Variants in SKI observed in about 807,000 individuals in gnomAD.
The protein encoded by SKI is ski oncogene.
Under a neutral mutation model 59.3 loss-of-function variants are expected in SKI, and 23 were observed. The observed-to-expected ratio is 0.39, with a 90% CI of 0.28 to 0.55. The LOEUF (loss-of-function observed/expected upper bound fraction) is 0.55. Ranked by LOEUF, SKI falls within the 20% of genes least tolerant of loss-of-function variation. The pLI is 0.67. For synonymous variants in SKI, 673 were observed against 488.6 expected, an observed-to-expected ratio of 1.38 and a Z score of -4.98; for missense variants, 1,017 against 1,038.9, an observed-to-expected ratio of 0.98 and a Z score of 0.29.
intron 1 of SKI, among the ~76,000 whole-genome samples, chr1:2,250,938 C>T (rs1231915690): frequency 6.6e-6 from 1 of 152,228 alleles, no homozygotes; most frequent in Non-Finnish European, 1.5e-5. Context: ...AGCAAGCGGC[C>T]CCCATGCTTT....
rs1460758152 is a variant in SKI at position 2,228,984 on chromosome 1, T to C, written c.218T>C (p.Val73Ala). Residue 73 changes from valine to alanine, a missense_variant, in exon 1 of 7, where the codon GTG becomes GCG. Coordinates refer to ENST00000378536, the MANE Select transcript of SKI (RefSeq NM_003036.4). ...CCCGCAGCCACCGAGCCGCCGCCCG[T>C]GCTGCACCTGCCCGCCATCCAGCCG... ...PVPAATEPPP[V>A]LHLPAIQPPP... 6.5e-7 allele frequency: 1 copy of C among 1,537,890 alleles called. No individual in the cohort carries two copies. The highest frequency in any genetic ancestry group is 8.7e-7 in the Non-Finnish European group (1 of 1,147,526).
At chr1:2,257,653 C>T (rs891890124) in intron 1 of SKI, among the ~76,000 whole-genome samples, 3 of 152,338 alleles carry the variant, frequency 2.0e-5, no homozygotes, top group Admixed American at 6.5e-5. Flanking sequence ...GGATTTCTTT[C>T]CTCATGCTTT....
intron 1 of SKI, among the ~76,000 whole-genome samples, chr1:2,285,287 T>G (rs1283440548): frequency 6.6e-6 from 1 of 152,084 alleles, no homozygotes; most frequent in Non-Finnish European, 1.5e-5. Flanking sequence ...CCGAGGCGGC[T>G]GGATCACCTG....
intron 1 of SKI, chr1:2,240,679 C>G (rs1638851516): frequency 2.0e-6 from 2 of 985,358 alleles, no homozygotes; most frequent in Non-Finnish European, 2.4e-6. Context: ...GAAGCTCTCT[C>G]TACTTGTTCG....
At chr1:2,272,868 C>G (rs1250190542) in intron 1 of SKI, among the ~76,000 whole-genome samples, 2 of 152,188 alleles carry the variant, frequency 1.3e-5, no homozygotes, top group African/African-American at 4.8e-5. Flanking sequence ...CCCTCCCACG[C>G]CCCTCCTGCC....
intron 1 of SKI, among the ~76,000 whole-genome samples, chr1:2,280,670 G>A (rs1639859964): frequency 9.5e-6 from 1 of 105,576 alleles, no homozygotes; most frequent in Non-Finnish European, 1.9e-5. Context: ...AAGACAGGCG[G>A]CGGCGGCGAT....
At chr1:2,278,162 C>T (rs1639787054) in intron 1 of SKI, among the ~76,000 whole-genome samples, 1 of 152,236 alleles carries the variant, frequency 6.6e-6, no homozygotes, top group Non-Finnish European at 1.5e-5. Context: ...CACTTGCTCC[C>T]AGCCTTGGGT....
intron 1 of SKI, among the ~76,000 whole-genome samples, chr1:2,272,141 T>C (rs1344359598): frequency 6.6e-6 from 1 of 152,218 alleles, no homozygotes; most frequent in Non-Finnish European, 1.5e-5. Context: ...TTTTTATTGC[T>C]GTCTCTTACG....
intron 1 of SKI, among the ~76,000 whole-genome samples, chr1:2,302,096 C>G (rs962557527): frequency 9.2e-5 from 14 of 152,248 alleles, no homozygotes; most frequent in African/African-American, 3.4e-4. Flanking sequence ...GATGTACCGG[C>G]TCAGGCCCCC....
chr1:2,253,515 C>T (rs531011648), intron 1 of SKI, among the ~76,000 whole-genome samples: 3 of 152,346 alleles, frequency 2.0e-5, no homozygotes, highest in Admixed American at 6.5e-5. Context: ...GAACAGGACA[C>T]GCAGCCTTAT....
intron 1 of SKI, among the ~76,000 whole-genome samples, chr1:2,283,920 G>GGCGTCCCCTTCC (rs1553197830): frequency 2.0e-5 from 3 of 152,170 alleles, no homozygotes; most frequent in Non-Finnish European, 4.4e-5. Flanking sequence ...GGGCCACTGT[G>GGCGTCCCCTTCC]GCGTCCCCTT....
intron 4 of SKI, 76 bp downstream of exon 4, chr1:2,304,178 G>A (rs920159523): frequency 8.2e-6 from 13 of 1,587,250 alleles, no homozygotes; most frequent in East Asian, 2.3e-5. Flanking sequence ...GCTGGTCGCC[G>A]GGGGTGCGTT....
Position 2,308,118 on chromosome 1 carries a change from A to G in SKI, c.*1353A>G, listed in dbSNP as rs1377493689. The G allele has an allele frequency of 6.6e-6, 1 of 152,266 alleles. No individual in the cohort carries two copies. The allele number at this position is 152,266 out of a possible 1,614,324, so 9.4% of individuals were successfully genotyped here. ...TTGAAAAATGATTTCCCAGTAGACA[A>G]GAGGCGGCTACCTATCCTACAGTTA... On this transcript the variant is annotated 3_prime_UTR_variant, in exon 7 of 7. Transcript: ENST00000378536.
chr1:2,279,109 G>A (rs1315270905), intron 1 of SKI, among the ~76,000 whole-genome samples: 2 of 152,192 alleles, frequency 1.3e-5, no homozygotes, highest in Non-Finnish European at 2.9e-5. Flanking sequence ...CTGGTGTCCC[G>A]GAGGGGCCTT....
At chr1:2,256,113 C>T (rs1639268928) in intron 1 of SKI, among the ~76,000 whole-genome samples, 1 of 150,330 alleles carries the variant, frequency 6.7e-6, no homozygotes, top group Admixed American at 6.6e-5. Flanking sequence ...CTGTGCCACT[C>T]TTGTGTCCTG....
At chr1:2,300,795 C>T (rs1032089319) in intron 1 of SKI, among the ~76,000 whole-genome samples, 2 of 152,176 alleles carry the variant, frequency 1.3e-5, no homozygotes, top group African/African-American at 4.8e-5. Flanking sequence ...AGGAGCGTCC[C>T]TGGCCCCAAG....
chr1:2,248,387 T>C (rs1189707241), intron 1 of SKI, among the ~76,000 whole-genome samples: 1 of 152,236 alleles, frequency 6.6e-6, no homozygotes, highest in Non-Finnish European at 1.5e-5. Flanking sequence ...CTCTGCTCTT[T>C]TGTCCGGCTT....
At chr1:2,286,668 C>T (rs1640045461) in intron 1 of SKI, among the ~76,000 whole-genome samples, 1 of 152,236 alleles carries the variant, frequency 6.6e-6, no homozygotes, top group Non-Finnish European at 1.5e-5. Context: ...GTTCGCTTAA[C>T]TCACCCATGT....
chr1:2,296,236 A>AC (rs1044476699), intron 1 of SKI, among the ~76,000 whole-genome samples: 16 of 152,076 alleles, frequency 1.1e-4, no homozygotes, highest in Middle Eastern at 3.4e-3. Flanking sequence ...AAAAAAAAAA[A>AC]AACAAAAAAT....
Sources: gnomAD v4.1 joint callset for allele counts (sites outside exome capture counted in the v4.1 genomes callset) on GRCh38, gnomAD v4.1.1 for gene constraint, MANE v1.5 for transcripts, NCBI Gene and HGNC (gene_info 2026-07-23, HGNC 2026-07-21) for gene names.